DNAH9: variants seen among roughly 807,000 people sequenced by gnomAD.
DNAH9 encodes DNAH9 variant protein.
A neutral mutation model predicts 471.6 loss-of-function variants in DNAH9; 345 were observed. The observed-to-expected ratio is 0.73, with a 90% CI of 0.67 to 0.80. The LOEUF (loss-of-function observed/expected upper bound fraction) is 0.80, where lower values mean the gene tolerates loss of function less well. Among genes scored for constraint, DNAH9 ranks in the 30% least tolerant of loss-of-function variants. DNAH9 has a pLI of 0.00. For synonymous variants in DNAH9, 2,093 were observed against 2,123.6 expected, an observed-to-expected ratio of 0.99 and a Z score of 0.40; for missense variants, 5,407 against 5,609.2, an observed-to-expected ratio of 0.96 and a Z score of 1.15.
At chr17:11,687,445 C>T (rs1343296980) in intron 19 of DNAH9, among the ~76,000 whole-genome samples, 3 of 152,162 alleles carry the variant, frequency 2.0e-5, no homozygotes, top group East Asian at 3.9e-4. Flanking sequence ...TCAAATATTT[C>T]TAAAGTCAAC....
intron 49 of DNAH9, 40 bp downstream of exon 49, chr17:11,834,938 G>C (rs752772732): frequency 1.3e-6 from 2 of 1,595,864 alleles, no homozygotes; most frequent in South Asian, 2.3e-5. Context: ...TCCCTCAGGG[G>C]CTGGTAGACG....
At chr17:11,740,300 G>T in intron 29 of DNAH9, among the ~76,000 whole-genome samples, 1 of 152,050 alleles carries the variant, frequency 6.6e-6, no homozygotes, top group Admixed American at 6.5e-5. Flanking sequence ...GCCAGTTCAG[G>T]GTGCCATAAT....
At chr17:11,832,472 T>C (rs1252734235) in intron 48 of DNAH9, among the ~76,000 whole-genome samples, 1 of 152,212 alleles carries the variant, frequency 6.6e-6, no homozygotes, top group Non-Finnish European at 1.5e-5. Flanking sequence ...TTTGTCCCTG[T>C]AGAAATAACT....
At chr17:11,924,185 A>G (rs910899604) in intron 62 of DNAH9, among the ~76,000 whole-genome samples, 4 of 152,078 alleles carry the variant, frequency 2.6e-5, no homozygotes, top group African/African-American at 4.8e-5. Context: ...AAATAGCTCT[A>G]CTTATAAAAG....
intron 1 of DNAH9, among the ~76,000 whole-genome samples, chr17:11,600,832 C>T (rs532391060): frequency 3.3e-5 from 5 of 152,230 alleles, no homozygotes; most frequent in East Asian, 3.9e-4. Flanking sequence ...AAACACATGA[C>T]GTAAAATTCA....
chr17:11,666,224 G>T (rs570953335), intron 15 of DNAH9, among the ~76,000 whole-genome samples: 1 of 152,174 alleles, frequency 6.6e-6, no homozygotes, highest in Admixed American at 6.5e-5. Flanking sequence ...AATGCTGGAG[G>T]TTCAGGGGGC....
intron 48 of DNAH9, 115 bp downstream of exon 48, chr17:11,823,149 A>G (rs1351675796): frequency 3.5e-6 from 3 of 868,594 alleles, no homozygotes; most frequent in South Asian, 1.8e-5. Flanking sequence ...ACGGTTTTCC[A>G]GAGACTCCCA....
chr17:11,748,570 G>A (rs565856263), intron 32 of DNAH9, among the ~76,000 whole-genome samples: 3 of 152,240 alleles, frequency 2.0e-5, no homozygotes, highest in East Asian at 3.9e-4. Flanking sequence ...AACCTTGTGC[G>A]CATGCCAGGC....
intron 35 of DNAH9, 105 bp from the exon 36 acceptor site, chr17:11,763,335 C>A: frequency 2.1e-6 from 2 of 968,664 alleles, no homozygotes; most frequent in Non-Finnish European, 3.2e-6. Context: ...AAGAACTTGA[C>A]GGACCATGAG....
At chr17:11,653,428 CCTAA>C (rs1397832335) in intron 14 of DNAH9, among the ~76,000 whole-genome samples, 3 of 152,112 alleles carry the variant, frequency 2.0e-5, no homozygotes, top group African/African-American at 7.2e-5. Flanking sequence ...CCGTGGTATC[CCTAA>C]CTGTGTGTGA....
intron 68 of DNAH9, among the ~76,000 whole-genome samples, chr17:11,968,442 T>A (rs1976922898): frequency 6.6e-6 from 1 of 152,190 alleles, no homozygotes; most frequent in South Asian, 2.1e-4. Flanking sequence ...TGTGAAACAC[T>A]CTGAATCAGC....
In DNAH9 at chr17:11,926,035, G is replaced by GAAAAAAAAAAAA. The variant is rs71142253; in HGVS notation, c.11877+2110_11877+2121dup. 3.3e-4 allele frequency among the ~76,000 whole-genome samples: 20 copies of GAAAAAAAAAAAA among 59,916 alleles called. 2 individuals carry two copies. The highest frequency in any genetic ancestry group is 1.4e-3 in the African/African-American group (18 of 12,682). The allele number at this position is 59,916 out of a possible 152,430, so 39.3% of individuals were successfully genotyped here. A position where few individuals can be genotyped will look rare whatever the true frequency, so the allele number is the denominator to read the frequency against. On this transcript the variant is annotated intron_variant, in intron 62 of 68. Coordinates refer to ENST00000262442, the MANE Select transcript of DNAH9 (RefSeq NM_001372.4). Reference sequence around the variant, plus strand: ...AGCCTGTAAACCTGAGAGATTCTCTGAAAAAAAAAAAAAAAAAAAAAAAAA... The same window carrying GAAAAAAAAAAAA: ...AGCCTGTAAACCTGAGAGATTCTCTGAAAAAAAAAAAAAAAAAAAAAAAAAAAAAAAAAAAAA...
Position 11,852,733 on chromosome 17 carries a change from C to G in DNAH9, c.9508-1270C>G, listed in dbSNP as rs539557483. On this transcript the variant is annotated intron_variant, in intron 49 of 68. Coordinates refer to ENST00000262442, the MANE Select transcript of DNAH9 (RefSeq NM_001372.4). ...CGACAGGTAGGAATGAAGAGTGAGG[C>G]AGAGAGAAAGAGAAGTGCATAGAAG... is the stretch of plus-strand genomic sequence containing the variant. 6.4e-4 allele frequency among the ~76,000 whole-genome samples: 94 copies of G among 146,594 alleles called. 1 individual carries two copies. The South Asian group carries it at 0.012, about 18-fold the overall frequency.
intron 66 of DNAH9, among the ~76,000 whole-genome samples, chr17:11,940,948 G>C (rs1447199862): frequency 1.3e-5 from 2 of 152,130 alleles, no homozygotes; most frequent in Admixed American, 1.3e-4. Flanking sequence ...GCAAGAAATG[G>C]CTCACTCTAT....
intron 49 of DNAH9, 150 bp downstream of exon 49, chr17:11,835,048 A>AT: frequency 9.1e-7 from 1 of 1,097,268 alleles, no homozygotes; most frequent in East Asian, 2.6e-5. Flanking sequence ...GCAAGCAAAC[A>AT]TTTCTTAGGA....
At chr17:11,814,507 C>T (rs533996484) in intron 45 of DNAH9, among the ~76,000 whole-genome samples, 3 of 152,300 alleles carry the variant, frequency 2.0e-5, no homozygotes, top group African/African-American at 7.2e-5. Context: ...TTTCCTGTCC[C>T]AGGCTAGATG....
chr17:11,884,688 G>A, intron 56 of DNAH9: 1 of 397,906 alleles, frequency 2.5e-6, no homozygotes, highest in Non-Finnish European at 5.2e-6. Flanking sequence ...TTGAAAGGAG[G>A]AAGAGTCAGC....
intron 38 of DNAH9, among the ~76,000 whole-genome samples, chr17:11,774,156 T>C (rs1234249927): frequency 6.6e-5 from 10 of 151,870 alleles, no homozygotes. Context: ...TAAAATAGAA[T>C]TAAAAACAAG....
At chr17:11,890,423 C>T (rs1973012342) in intron 57 of DNAH9, among the ~76,000 whole-genome samples, 1 of 152,174 alleles carries the variant, frequency 6.6e-6, no homozygotes, top group Non-Finnish European at 1.5e-5. Context: ...TAACAAGAAA[C>T]ACCCTGGAAC....
Sources: allele counts gnomAD v4.1 joint callset (sites outside exome capture counted in the v4.1 genomes callset), GRCh38; gene constraint gnomAD v4.1.1; transcripts MANE v1.5; gene names NCBI Gene and HGNC (gene_info 2026-07-23, HGNC 2026-07-21).